The following MYRIP variants were observed in gnomAD, a reference collection of about 807,000 sequenced individuals.
MYRIP encodes the protein rab effector MyRIP.
Under a neutral mutation model 98.0 loss-of-function variants are expected in MYRIP, and 49 were observed. The observed-to-expected ratio is 0.50, with a 90% CI of 0.40 to 0.63. The LOEUF (loss-of-function observed/expected upper bound fraction) is 0.63, where lower values mean the gene tolerates loss of function less well. Ranked by LOEUF, MYRIP falls within the 30% of genes least tolerant of loss-of-function variation. The pLI is 0.00. For synonymous variants in MYRIP, 404 were observed against 409.5 expected, an observed-to-expected ratio of 0.99 and a Z score of 0.16; for missense variants, 1,004 against 1,058.2, an observed-to-expected ratio of 0.95 and a Z score of 0.71.
rs1423145439 is a variant in MYRIP at position 40,167,225 on chromosome 3, A to G, written c.715A>G (p.Thr239Ala). 6.2e-7 allele frequency: 1 copy of G among 1,614,210 alleles called. No homozygotes were observed. Among genetic ancestry groups the G allele is most frequent in the East Asian group, 2.2e-5 (1 of 44,880 alleles). Residue 239 changes from threonine (T) to alanine (A), a missense_variant, in exon 7 of 17, where the codon ACA (threonine) becomes GCA (alanine). By Grantham distance (58) the Thr-to-Ala change is moderately conservative (BLOSUM62 0). Around this residue, in one of 3 missense-constraint regions of MYRIP, gnomAD observed 880 missense variants for 907.7 expected, o/e 0.97. Coordinates refer to ENST00000302541, the MANE Select transcript of MYRIP (RefSeq NM_015460.4). ...GGAGCTAACTGAGGAACTGGCCACG[A>G]CAATCCTGCAGAAGGTAGGTGGGTC... ...KEELTEELAT[T>A]ILQKIIRKQK... is the part of the protein sequence containing the mutation.
At chr3:40,242,786 T>C (rs1196785014) in intron 12 of MYRIP, among the ~76,000 whole-genome samples, 1 of 151,974 alleles carries the variant, frequency 6.6e-6, no homozygotes, top group Non-Finnish European at 1.5e-5. Context: ...TAGGGAAAAG[T>C]ATTAAAAAAG....
intron 2 of MYRIP, among the ~76,000 whole-genome samples, chr3:39,983,880 C>A (rs1450840048): frequency 6.6e-6 from 1 of 152,148 alleles, no homozygotes; most frequent in Non-Finnish European, 1.5e-5. Context: ...GGAAATAATA[C>A]CCCCTGTTAT....
At chr3:40,253,149 CT>C (rs2125726104) in intron 16 of MYRIP, among the ~76,000 whole-genome samples, 1 of 152,292 alleles carries the variant, frequency 6.6e-6, no homozygotes, top group African/African-American at 2.4e-5. Flanking sequence ...ATTATTTACA[CT>C]GTTAACCCAA....
intron 4 of MYRIP, among the ~76,000 whole-genome samples, chr3:40,160,335 G>A (rs1414227309): frequency 6.6e-6 from 1 of 152,222 alleles, no homozygotes; most frequent in Non-Finnish European, 1.5e-5. Flanking sequence ...CCCACTTGAG[G>A]AGGCAGTCTG....
intron 3 of MYRIP, among the ~76,000 whole-genome samples, chr3:40,142,492 T>C (rs1412542988): frequency 6.6e-6 from 1 of 152,192 alleles, no homozygotes; most frequent in African/African-American, 2.4e-5. Context: ...TTATAGGATC[T>C]GGCTTCATCA....
At chr3:39,815,824 T>C (rs1940884392) in intron 1 of MYRIP, among the ~76,000 whole-genome samples, 1 of 152,016 alleles carries the variant, frequency 6.6e-6, no homozygotes, top group South Asian at 2.1e-4. Flanking sequence ...GTGGTTACTT[T>C]AGGTTTGTGG....
chr3:39,955,759 C>T (rs1945140308), intron 2 of MYRIP, among the ~76,000 whole-genome samples: 1 of 152,112 alleles, frequency 6.6e-6, no homozygotes, highest in African/African-American at 2.4e-5. Context: ...CAAGACCCAT[C>T]AGTGTGCTAT....
intron 1 of MYRIP, among the ~76,000 whole-genome samples, chr3:39,864,713 G>A (rs901410549): frequency 1.3e-5 from 2 of 152,044 alleles, no homozygotes; most frequent in African/African-American, 4.8e-5. Flanking sequence ...CAGTTAAAGT[G>A]GCCATACTGC....
chr3:40,095,276 A>G (rs1948804698), intron 3 of MYRIP, among the ~76,000 whole-genome samples: 1 of 152,148 alleles, frequency 6.6e-6, no homozygotes, highest in Admixed American at 6.5e-5. Flanking sequence ...TTCAGGGAAG[A>G]CTGTCAGGCC....
chr3:39,858,684 C>T (rs1036575232), intron 1 of MYRIP, among the ~76,000 whole-genome samples: 2 of 151,986 alleles, frequency 1.3e-5, no homozygotes, highest in Admixed American at 6.6e-5. Flanking sequence ...GGAATCATTT[C>T]AAATGTATTT....
intron 16 of MYRIP, among the ~76,000 whole-genome samples, chr3:40,252,900 T>C (rs1431717098): frequency 2.0e-5 from 3 of 152,148 alleles, no homozygotes; most frequent in South Asian, 2.1e-4. Context: ...ACCACCATAG[T>C]TGGCCCAAAA....
At chr3:40,157,073 A>G (rs1438354249) in intron 4 of MYRIP, among the ~76,000 whole-genome samples, 1 of 149,872 alleles carries the variant, frequency 6.7e-6, no homozygotes, top group South Asian at 2.1e-4. Context: ...GTCTTGTGCC[A>G]GTTTTCAAAG....
chr3:40,186,638 C>T (rs1018707061), intron 9 of MYRIP, among the ~76,000 whole-genome samples: 5 of 152,156 alleles, frequency 3.3e-5, no homozygotes, highest in African/African-American at 1.2e-4. Flanking sequence ...CTGGGGCAGG[C>T]AACACAGGCT....
At chr3:39,851,075 GA>G (rs1239503143) in intron 1 of MYRIP, among the ~76,000 whole-genome samples, 1 of 152,210 alleles carries the variant, frequency 6.6e-6, no homozygotes, top group Non-Finnish European at 1.5e-5. Context: ...ATGACAGGGG[GA>G]TATTCTGGGC....
At chr3:40,005,135 T>A (rs1946605115) in intron 2 of MYRIP, among the ~76,000 whole-genome samples, 1 of 152,266 alleles carries the variant, frequency 6.6e-6, no homozygotes, top group African/African-American at 2.4e-5. Context: ...TGAATAGTAT[T>A]CTGTGGTGTT....
intron 3 of MYRIP, among the ~76,000 whole-genome samples, chr3:40,127,605 C>G (rs1196619187): frequency 6.6e-6 from 1 of 152,200 alleles, no homozygotes; most frequent in Admixed American, 6.5e-5. Flanking sequence ...GTATTAGGTG[C>G]CAGGATTTTC....
chr3:40,244,674 G>T, intron 13 of MYRIP, 67 bp downstream of exon 13: 4 of 1,493,038 alleles, frequency 2.7e-6, no homozygotes, highest in Non-Finnish European at 3.6e-6. Context: ...TGTTCTACAA[G>T]AATCACTTTA....
chr3:40,098,760 G>GTGTGTGTGTGTA (rs1469618563), intron 3 of MYRIP, among the ~76,000 whole-genome samples: 2 of 151,340 alleles, frequency 1.3e-5, no homozygotes, highest in African/African-American at 4.9e-5. Context: ...GTGTGTGTGT[G>GTGTGTGTGTGTA]TGTGTGTGTG....
At chr3:40,235,454 A>T (rs1952800034) in intron 12 of MYRIP, among the ~76,000 whole-genome samples, 1 of 152,218 alleles carries the variant, frequency 6.6e-6, no homozygotes. Context: ...TCACTAAAGA[A>T]TGGGTTGTTA....
Sources: allele counts gnomAD v4.1 joint callset (sites outside exome capture counted in the v4.1 genomes callset), GRCh38; gene constraint gnomAD v4.1.1; regional missense constraint gnomAD v4.1.1; transcripts MANE v1.5; gene names NCBI Gene and HGNC (gene_info 2026-07-23, HGNC 2026-07-21).